Variants in SPTB observed in about 807,000 individuals in gnomAD.
SPTB encodes the protein spectrin beta chain, erythrocytic.
In SPTB, 45 loss-of-function variants were observed where a neutral mutation model predicts 256.2. The ratio of observed to expected loss-of-function variants is 0.18; its 90% confidence interval spans 0.14 to 0.23. The LOEUF (loss-of-function observed/expected upper bound fraction) is 0.23. SPTB is among the 10% of genes least tolerant of loss of function. SPTB has a pLI of 1.00. For missense variants in SPTB, 2,715 were observed against 3,040.4 expected, an observed-to-expected ratio of 0.89 and a Z score of 2.52; for synonymous variants, 1,231 against 1,243.1, an observed-to-expected ratio of 0.99 and a Z score of 0.21.
chr14:64,867,624 C>T (rs1481272101), intron 1 of SPTB, among the ~76,000 whole-genome samples: 7 of 152,216 alleles, frequency 4.6e-5, no homozygotes, highest in Admixed American at 6.5e-5. Flanking sequence ...GAGACCGAGG[C>T]GGGCACATCA....
intron 2 of SPTB, among the ~76,000 whole-genome samples, chr14:64,805,807 T>C (rs150150849): frequency 2.0e-5 from 3 of 152,196 alleles, no homozygotes; most frequent in Non-Finnish European, 4.4e-5. Flanking sequence ...GAGTTCCTGA[T>C]AGGGGGAGGA....
chr14:64,771,125 T>C lies in SPTB; in HGVS notation c.5558A>G (p.Gln1853Arg). ...RELHLLGVQV[Q>R]QFQDVATRLQ... ...ACGGGTGGCCACGTCCTGGAACTGC[T>C]GCACCTGTGGTCAGGCAAAATCAGA... The change falls in exon 27 of 36, where the codon CAG (glutamine) becomes CGG (arginine). Residue 1853 changes from glutamine (Q) to arginine (R), a missense_variant. By Grantham distance (43) the Gln-to-Arg change is conservative. Around this residue, in one of 4 missense-constraint regions of SPTB, gnomAD observed 2,239 missense variants for 2,384.4 expected, o/e 0.94. Transcript: ENST00000644917. The C allele has an allele frequency of 6.2e-7, 1 of 1,613,794 alleles. No individual in the cohort carries two copies. The highest frequency in any genetic ancestry group is 8.5e-7 in the Non-Finnish European group (1 of 1,180,036).
intron 25 of SPTB, 108 bp from the exon 26 acceptor site, chr14:64,773,062 C>CA: frequency 6.4e-7 from 1 of 1,558,210 alleles, no homozygotes; most frequent in Non-Finnish European, 8.7e-7. Context: ...CCGGGAGCTG[C>CA]GCTGTCACAC....
intron 1 of SPTB, among the ~76,000 whole-genome samples, chr14:64,838,936 C>A (rs1016233848): frequency 6.6e-6 from 1 of 152,072 alleles, no homozygotes; most frequent in Non-Finnish European, 1.5e-5. Context: ...AGTTTGAGAC[C>A]AGCCTGACCA....
chr14:64,749,813 C>T lies in SPTB; in HGVS notation c.6777-117G>A. The T allele has an allele frequency of 6.7e-7, 1 of 1,496,406 alleles. No homozygotes were observed. Among genetic ancestry groups the T allele is most frequent in the Non-Finnish European group, 9.2e-7 (1 of 1,088,370 alleles). 92.7% of individuals were successfully genotyped at this position (1,496,406 alleles called of 1,614,324 possible). A position where few individuals can be genotyped will look rare whatever the true frequency, so the allele number is the denominator to read the frequency against. The stretch of plus-strand genomic sequence containing the variant: ...AACATCCAGACCCCTCTCAGGCAGC[C>T]CAGCACTTTCTGAGAGGTCAAAGTC... On this transcript the variant is annotated intron_variant, in intron 34 of 35. Coordinates refer to ENST00000644917, the MANE Select transcript of SPTB (RefSeq NM_001355436.2). The surrounding 1 kb of genome is among the most constrained non-coding windows in gnomAD (Gnocchi z 4.7).
Position 64,782,329 on chromosome 14 carries a change from C to T in SPTB, c.4227G>A (p.Lys1409=), listed in dbSNP as rs2082485857. Residue 1409 remains lysine, a synonymous_variant, in exon 20 of 36, where the codon AAG becomes AAA. Coordinates refer to ENST00000644917, the MANE Select transcript of SPTB (RefSeq NM_001355436.2). ...EDQLRSDDPG[K]DLTSVNRMLA... Reference sequence around the variant, plus strand: ...ACATCCGATTGACACTGGTCAGGTCCTTGCCCGGGTCGTCTGACCGCAGCT... The same window carrying T: ...ACATCCGATTGACACTGGTCAGGTCTTTGCCCGGGTCGTCTGACCGCAGCT... The T allele has an allele frequency of 6.2e-7, 1 of 1,614,102 alleles. No homozygotes were observed. Among genetic ancestry groups the T allele is most frequent in the African/African-American group, 1.3e-5 (1 of 74,940 alleles).
rs1048564279 is a variant in SPTB, at chr14:64,786,054, T to C, written c.3562-103A>G. 16 of 1,188,194 alleles carry C rather than the reference T, an allele frequency of 1.3e-5. No homozygotes were observed. In the African/African-American group the frequency reaches 1.8e-4, roughly 13 times the overall value. The allele number at this position is 1,188,194 out of a possible 1,614,324, so 73.6% of individuals were successfully genotyped here. ...ACGTGCAGCCACACAGGCCACGGTATGAATGAGCCCCCTAGAGTAGTACAG... is the reference window on the plus strand; with the variant it reads ...ACGTGCAGCCACACAGGCCACGGTACGAATGAGCCCCCTAGAGTAGTACAG... On this transcript the variant is annotated intron_variant, in intron 16 of 35. Coordinates refer to ENST00000644917, the MANE Select transcript of SPTB (RefSeq NM_001355436.2). This position sits in a 1 kb window ranked among gnomAD's most constrained non-coding sequence, Gnocchi z 5.6.
At chr14:64,763,968 A>G (rs1197710074) in intron 32 of SPTB, 12 of 492,218 alleles carry the variant, frequency 2.4e-5, no homozygotes, top group Admixed American at 2.4e-4. Context: ...AGACAGGAGC[A>G]GGGGTGCCTG....
intron 33 of SPTB, among the ~76,000 whole-genome samples, chr14:64,750,892 A>G (rs1016734463): frequency 2.7e-5 from 4 of 146,150 alleles, no homozygotes; most frequent in African/African-American, 1.0e-4. Flanking sequence ...ATATATTTAT[A>G]TGAAATATAT....
chr14:64,753,368 G>C (rs1023246903), intron 33 of SPTB, among the ~76,000 whole-genome samples, 169 bp downstream of exon 33: 6 of 152,128 alleles, frequency 3.9e-5, no homozygotes, highest in Non-Finnish European at 7.4e-5. Context: ...TTCCCATCAT[G>C]CCAAGTAGCC....
chr14:64,836,719 G>C (rs143459698), intron 1 of SPTB, among the ~76,000 whole-genome samples: 2,126 of 152,260 alleles, frequency 0.014, 26 homozygotes, highest in Middle Eastern at 0.054. Flanking sequence ...TAAACTCCTT[G>C]AAGGGAAGGA....
Position 64,794,631 on chromosome 14 carries a change from C to G in SPTB, c.1645-14G>C, listed in dbSNP as rs1394492801. 1 of 1,614,064 alleles carries G rather than the reference C, an allele frequency of 6.2e-7. No individual in the cohort carries two copies. Among genetic ancestry groups the G allele is most frequent in the Admixed American group, 1.7e-5 (1 of 60,010 alleles). On this transcript the variant is annotated splice_polypyrimidine_tract_variant and intron_variant, in intron 12 of 35. Transcript: ENST00000644917. ...CAAGAGGTGAGCCTGGCAAAGAGAA[C>G]AGCAGAAAGGAAATGAGGAGAAGTG...
intron 2 of SPTB, among the ~76,000 whole-genome samples, chr14:64,814,248 C>T (rs1465636191): frequency 6.6e-6 from 1 of 152,020 alleles, no homozygotes; most frequent in East Asian, 1.9e-4. Context: ...GACAATATAG[C>T]CATTAAAATA....
intron 1 of SPTB, among the ~76,000 whole-genome samples, chr14:64,864,290 C>CT (rs879848753): frequency 4.4e-3 from 218 of 49,070 alleles, no homozygotes; most frequent in Non-Finnish European, 7.6e-3. Context: ...GACTTCATCT[C>CT]TTAAAAAAAA....
In SPTB at chr14:64,767,319, G is replaced by A; in HGVS notation, c.6253C>T (p.Pro2085Ser). ...ACCACTCACCCAGTCTCCTCTGCGG[G>A]TCTCTCTGCAATCTGGCGTTCTTTC... ...ELKERQIAERPAEETGPQEEE... is the reference protein window; with the variant it reads ...ELKERQIAERSAEETGPQEEE... Residue 2085 changes from proline (P) to serine (S), a missense_variant, in exon 31 of 36, where the codon CCC becomes TCC. Pro to Ser is a moderately conservative substitution (Grantham distance 74). This residue lies in a region of SPTB where 2,239 missense variants were observed against 2,384.4 expected (regional missense o/e 0.94). Transcript: ENST00000644917. 6.2e-7 allele frequency: 1 copy of A among 1,614,072 alleles called. No homozygotes were observed. Among genetic ancestry groups the A allele is most frequent in the Non-Finnish European group, 8.5e-7 (1 of 1,180,016 alleles).
Position 64,825,044 on chromosome 14 carries a change from G to A in SPTB, c.-51-1899C>T, listed in dbSNP as rs772098214. 2.6e-5 allele frequency among the ~76,000 whole-genome samples: 4 copies of A among 151,930 alleles called. No homozygotes were observed. The highest frequency in any genetic ancestry group is 1.9e-4 in the East Asian group (1 of 5,184). On this transcript the variant is annotated intron_variant, in intron 1 of 35. Transcript: ENST00000644917. The surrounding 1 kb of genome is among the most constrained non-coding windows in gnomAD (Gnocchi z 4.8). ...CGCAGTTTATCCCCCTTGACCAGAC[G>A]GGTTTCAGGAGGGCAGGTGGGGAAA...
chr14:64,780,688 C>G (rs968851403), intron 20 of SPTB, among the ~76,000 whole-genome samples: 1 of 152,232 alleles, frequency 6.6e-6, no homozygotes, highest in East Asian at 1.9e-4. Context: ...GCTGGGATTA[C>G]AGGCATGAGC....
intron 2 of SPTB, among the ~76,000 whole-genome samples, chr14:64,812,520 G>GAATACTCCCTATGGGGGTTTA (rs2139666542): frequency 6.6e-6 from 1 of 152,220 alleles, no homozygotes; most frequent in Admixed American, 6.5e-5. Context: ...TCTGCCCTCT[G>GAATACTCCCTATGGGGGTTTA]AATACTCCCT....
chr14:64,769,262 T>C, intron 28 of SPTB, 144 bp from the exon 29 acceptor site: 1 of 852,560 alleles, frequency 1.2e-6, no homozygotes, highest in East Asian at 2.5e-5. Flanking sequence ...GCCAGCTGTG[T>C]GGCCTGGGGC....
Sources: allele counts gnomAD v4.1 joint callset (sites outside exome capture counted in the v4.1 genomes callset), GRCh38; gene constraint gnomAD v4.1.1; regional missense constraint gnomAD v4.1.1; non-coding constraint Gnocchi (gnomAD v3.1); transcripts MANE v1.5; gene names NCBI Gene and HGNC (gene_info 2026-07-23, HGNC 2026-07-21).